G2E3: variants seen among roughly 807,000 people sequenced by gnomAD.
The protein encoded by G2E3 is G2/M-phase specific E3 ubiquitin protein ligase.
In G2E3, 35 loss-of-function variants were observed where a neutral mutation model predicts 92.8. That is an observed-to-expected ratio of 0.38 (90% CI 0.29 to 0.50). The LOEUF is 0.50. Among genes scored for constraint, G2E3 ranks in the 20% least tolerant of loss-of-function variants. The pLI, the probability that G2E3 is intolerant of heterozygous loss-of-function variation, is 0.94. For missense variants in G2E3, 554 were observed against 823.8 expected (o/e 0.67, Z 4.01); for synonymous variants, 242 against 272.4 (o/e 0.89, Z 1.10).
chr14:30,619,263 T>C lies in G2E3; in HGVS notation c.*2729T>C, dbSNP rs1466369019. On this transcript the variant is annotated 3_prime_UTR_variant, in exon 15 of 15. Coordinates refer to ENST00000206595, the MANE Select transcript of G2E3 (RefSeq NM_017769.5). ...AGAATTCACCTTGGTTTCTATTTTA[T>C]GCATTTGTAAATTTTTCCCCTAATT... 2 of 152,126 alleles carry C rather than the reference T, an allele frequency of 1.3e-5. No individual in the cohort carries two copies. The highest frequency in any genetic ancestry group is 4.8e-5 in the African/African-American group (2 of 41,464). The allele number at this position is 152,126 out of a possible 1,614,324, so 9.4% of individuals were successfully genotyped here.
chr14:30,567,843 C>A (rs376522784), intron 1 of G2E3, among the ~76,000 whole-genome samples: 41 of 151,930 alleles, frequency 2.7e-4, no homozygotes, highest in African/African-American at 8.5e-4. Flanking sequence ...ATATGTTTCT[C>A]AGTTTTCCAG....
In G2E3 at chr14:30,597,541, G is replaced by T; in HGVS notation, c.635+15G>T. ...ATTCCTGAAAAGTGAGTAACATTTA[G>T]CCTTATGATAAAAAAAAGATATTTT... On this transcript the variant is annotated intron_variant, in intron 7 of 14. Transcript: ENST00000206595. The T allele has an allele frequency of 8.5e-7, 1 of 1,179,246 alleles. No homozygotes were observed. The highest frequency in any genetic ancestry group is 1.3e-6 in the Non-Finnish European group (1 of 787,936). 73.0% of individuals were successfully genotyped at this position (1,179,246 alleles called of 1,614,324 possible). A position where few individuals can be genotyped will look rare whatever the true frequency, so the allele number is the denominator to read the frequency against.
chr14:30,609,101 A>T (rs925185662), intron 12 of G2E3, among the ~76,000 whole-genome samples: 1 of 152,260 alleles, frequency 6.6e-6, no homozygotes, highest in African/African-American at 2.4e-5. Flanking sequence ...TAAATCACAC[A>T]GTAAGCACTA....
intron 6 of G2E3, among the ~76,000 whole-genome samples, chr14:30,594,282 A>G (rs1289968259): frequency 1.3e-5 from 2 of 152,242 alleles, no homozygotes; most frequent in Non-Finnish European, 2.9e-5. Flanking sequence ...TAATATGTAC[A>G]TGTGAAAGTG....
chr14:30,618,022 A>G lies in G2E3; in HGVS notation c.*1488A>G, dbSNP rs1260919494. 6.6e-6 allele frequency: 1 copy of G among 152,128 alleles called. No individual in the cohort carries two copies. Among genetic ancestry groups the G allele is most frequent in the Non-Finnish European group, 1.5e-5 (1 of 67,940 alleles). 9.4% of individuals were successfully genotyped at this position (152,128 alleles called of 1,614,324 possible). On this transcript the variant is annotated 3_prime_UTR_variant, in exon 15 of 15. Coordinates refer to ENST00000206595, the MANE Select transcript of G2E3 (RefSeq NM_017769.5). The stretch of plus-strand genomic sequence containing the variant: ...TGTTGTATTCTCACCCTTCTTAAGA[A>G]AAATCATTACATTATTGATATTTTT...
chr14:30,586,517 T>C (rs1880721446), intron 2 of G2E3, among the ~76,000 whole-genome samples: 1 of 152,164 alleles, frequency 6.6e-6, no homozygotes, highest in Non-Finnish European at 1.5e-5. Context: ...GTGAAATTCA[T>C]CATTAAAGAC....
intron 10 of G2E3, among the ~76,000 whole-genome samples, chr14:30,602,437 T>C (rs1881616825): frequency 6.6e-6 from 1 of 152,066 alleles, no homozygotes; most frequent in South Asian, 2.1e-4. Flanking sequence ...TGAGTAATGA[T>C]GTAAAATATA....
chr14:30,603,958 A>AAT (rs1360856244), intron 10 of G2E3, among the ~76,000 whole-genome samples: 2 of 152,336 alleles, frequency 1.3e-5, no homozygotes, highest in Non-Finnish European at 2.9e-5. Flanking sequence ...AAATGTGAAG[A>AAT]ATATCTGTTT....
intron 8 of G2E3, among the ~76,000 whole-genome samples, chr14:30,598,808 T>TA (rs1487637771): frequency 6.6e-6 from 1 of 152,220 alleles, no homozygotes; most frequent in Non-Finnish European, 1.5e-5. Context: ...TCTGTTGTCT[T>TA]ATCACGAGAC....
chr14:30,608,220 A>T (rs747508767), intron 12 of G2E3, 151 bp downstream of exon 12: 3 of 494,178 alleles, frequency 6.1e-6, no homozygotes, highest in Non-Finnish European at 1.0e-5. Flanking sequence ...GTTCTGAACC[A>T]GTTAAAAGAT....
At chr14:30,594,692 CAAA>C (rs959599969) in intron 6 of G2E3, among the ~76,000 whole-genome samples, 1 of 131,804 alleles carries the variant, frequency 7.6e-6, no homozygotes, top group Admixed American at 7.6e-5. Context: ...GACTCCATCT[CAAA>C]AAAAAAAAGA....
chr14:30,606,385 G>A lies in G2E3; in HGVS notation c.1318+573G>A, dbSNP rs563296407. On this transcript the variant is annotated intron_variant, in intron 11 of 14. Transcript: ENST00000206595. ...TTTTATACTACTTTTGCTGTAATAG[G>A]AAATTTGAAAGAAAATGAGAAGGCA... Among the ~76,000 whole-genome samples, 15 of 152,066 alleles carry A rather than the reference G, an allele frequency of 9.9e-5. No individual in the cohort carries two copies. In the South Asian group the frequency reaches 3.1e-3, roughly 32 times the overall value.
intron 2 of G2E3, among the ~76,000 whole-genome samples, chr14:30,582,660 G>A (rs762529983): frequency 1.5e-4 from 23 of 152,176 alleles, no homozygotes; most frequent in Admixed American, 2.6e-4. Context: ...TGGAGTTAAG[G>A]TGGAGCTTAC....
intron 2 of G2E3, among the ~76,000 whole-genome samples, chr14:30,585,056 G>A (rs1026372079): frequency 4.6e-5 from 7 of 151,840 alleles, no homozygotes; most frequent in Admixed American, 1.3e-4. Flanking sequence ...GGCTGGTCTC[G>A]AACTCCTGAC....
At chr14:30,581,393 G>C (rs190762892) in intron 2 of G2E3, among the ~76,000 whole-genome samples, 1 of 143,580 alleles carries the variant, frequency 7.0e-6, no homozygotes, top group African/African-American at 2.5e-5. Flanking sequence ...AATTTAAACA[G>C]TGTGTAAAAG....
chr14:30,601,566 A>G (rs905909318), intron 8 of G2E3, among the ~76,000 whole-genome samples: 21 of 152,082 alleles, frequency 1.4e-4, no homozygotes, highest in African/African-American at 4.8e-4. Context: ...TATTCTTTGT[A>G]TGTGCATATG....
At chr14:30,585,467 A>C (rs1321898621) in intron 2 of G2E3, among the ~76,000 whole-genome samples, 1 of 152,108 alleles carries the variant, frequency 6.6e-6, no homozygotes, top group East Asian at 1.9e-4. Context: ...ATTTGACCAT[A>C]GATGTATATA....
chr14:30,596,884 T>C (rs1364062166), intron 6 of G2E3, among the ~76,000 whole-genome samples: 2 of 152,230 alleles, frequency 1.3e-5, no homozygotes, highest in Non-Finnish European at 2.9e-5. Flanking sequence ...CTGGCTCTTC[T>C]TTCCAGTAGG....
In G2E3 at chr14:30,618,834, A is replaced by G. The variant is rs1282877393; in HGVS notation, c.*2300A>G. On this transcript the variant is annotated 3_prime_UTR_variant, in exon 15 of 15. Transcript: ENST00000206595. ...TATTATAATTGTTCTTTTCTTATTA[A>G]TTTTATAACCAGTGCATAATTCTTA... 1 of 152,028 alleles carries G rather than the reference A, an allele frequency of 6.6e-6. No individual in the cohort carries two copies. The highest frequency in any genetic ancestry group is 1.5e-5 in the Non-Finnish European group (1 of 67,904). 9.4% of individuals were successfully genotyped at this position (152,028 alleles called of 1,614,324 possible). A position where few individuals can be genotyped will look rare whatever the true frequency, so the allele number is the denominator to read the frequency against.
Sources: gnomAD v4.1 joint callset for allele counts (sites outside exome capture counted in the v4.1 genomes callset) on GRCh38, gnomAD v4.1.1 for gene constraint, MANE v1.5 for transcripts, NCBI Gene and HGNC (gene_info 2026-07-23, HGNC 2026-07-21) for gene names.